The following NKAIN2 variants were observed in gnomAD, a reference collection of about 807,000 sequenced individuals.
The protein encoded by NKAIN2 is sodium/potassium transporting ATPase interacting 2.
Under a neutral mutation model 32.6 loss-of-function variants are expected in NKAIN2, and 14 were observed. The ratio of observed to expected loss-of-function variants is 0.43; its 90% CI spans 0.28 to 0.67. The LOEUF (loss-of-function observed/expected upper bound fraction) is 0.67, where lower values mean the gene tolerates loss of function less well. NKAIN2 is among the 30% of genes least tolerant of loss of function. The pLI, the probability that NKAIN2 is intolerant of heterozygous loss-of-function variation, is 0.17. For missense variants in NKAIN2, 198 were observed against 258.3 expected (o/e 0.77, Z 1.60); for synonymous variants, 80 against 87.2 (o/e 0.92, Z 0.46).
intron 3 of NKAIN2, among the ~76,000 whole-genome samples, chr6:124,569,621 C>T (rs1158699263): frequency 1.3e-5 from 2 of 152,158 alleles, no homozygotes; most frequent in Non-Finnish European, 2.9e-5. Context: ...TTTGCTTCTT[C>T]CTCATTCTCT....
chr6:124,693,708 C>T (rs1305175818), intron 4 of NKAIN2, among the ~76,000 whole-genome samples: 1 of 152,132 alleles, frequency 6.6e-6, no homozygotes, highest in Non-Finnish European at 1.5e-5. Context: ...TTCAATCAAA[C>T]ACAGTTTGGC....
At position 123,804,058 on chromosome 6, in the gene NKAIN2, A is replaced by G. The variant is rs1234130002; in HGVS notation, c.-143A>G. On this transcript the variant is annotated 5_prime_UTR_variant, in exon 1 of 7. Transcript: ENST00000368417. ...CAGGTCCTAATGCCTGTCACTTCCC[A>G]GGACGCTGGCAGCAGCAGCAGCCCG... 4 of 806,422 alleles carry G rather than the reference A, an allele frequency of 5.0e-6. No individual in the cohort carries two copies. In the Admixed American group the frequency reaches 7.1e-5, roughly 14 times the overall value. The allele number at this position is 806,422 out of a possible 1,614,324, so 50.0% of individuals were successfully genotyped here.
At chr6:124,718,896 A>C (rs1775886625) in intron 4 of NKAIN2, among the ~76,000 whole-genome samples, 1 of 152,040 alleles carries the variant, frequency 6.6e-6, no homozygotes, top group African/African-American at 2.4e-5. Context: ...AAATCCAGGT[A>C]AAATTTGAGT....
chr6:124,688,931 A>G (rs1326467315), intron 4 of NKAIN2, among the ~76,000 whole-genome samples: 1 of 152,128 alleles, frequency 6.6e-6, no homozygotes, highest in Non-Finnish European at 1.5e-5. Context: ...TAAAGCTGCT[A>G]TAAAGGTCTG....
chr6:124,641,529 G>GGTTTTTTTTTT (rs1562300001), intron 3 of NKAIN2, among the ~76,000 whole-genome samples: 1 of 23,832 alleles, frequency 4.2e-5, no homozygotes, highest in Non-Finnish European at 1.1e-4. Flanking sequence ...TAAAACACTA[G>GGTTTTTTTTTT]CTTTTTTTTT....
At chr6:124,380,725 G>A (rs1262404934) in intron 3 of NKAIN2, among the ~76,000 whole-genome samples, 1 of 152,138 alleles carries the variant, frequency 6.6e-6, no homozygotes, top group Admixed American at 6.5e-5. Context: ...GTGACTTTTT[G>A]ATATTGTATA....
chr6:124,502,330 TAA>T (rs1387999201), intron 3 of NKAIN2, among the ~76,000 whole-genome samples: 1 of 152,176 alleles, frequency 6.6e-6, no homozygotes, highest in African/African-American at 2.4e-5. Context: ...CATTTTCTCT[TAA>T]GTTACTTTAA....
chr6:123,862,925 G>A (rs967552228), intron 1 of NKAIN2, among the ~76,000 whole-genome samples: 1 of 152,152 alleles, frequency 6.6e-6, no homozygotes, highest in African/African-American at 2.4e-5. Context: ...TTACCACTGA[G>A]TCCCTGGGAG....
At chr6:124,788,394 T>C (rs1779597901) in intron 4 of NKAIN2, among the ~76,000 whole-genome samples, 1 of 152,064 alleles carries the variant, frequency 6.6e-6, no homozygotes, top group Admixed American at 6.6e-5. Context: ...AAGAGTTGCA[T>C]GTTATAGGAG....
At chr6:123,829,192 TCTA>T (rs1774272638) in intron 1 of NKAIN2, 1 of 152,230 alleles carries the variant, frequency 6.6e-6, no homozygotes. Flanking sequence ...TTATTCTAAC[TCTA>T]CTTTCTCCTT....
intron 3 of NKAIN2, among the ~76,000 whole-genome samples, chr6:124,638,215 G>A (rs902758175): frequency 6.6e-6 from 1 of 152,168 alleles, no homozygotes; most frequent in Non-Finnish European, 1.5e-5. Flanking sequence ...ACTGTATGCA[G>A]AAGAATGAAA....
intron 5 of NKAIN2, among the ~76,000 whole-genome samples, chr6:124,809,513 C>A (rs149780685): frequency 0.13 from 9,191 of 69,922 alleles, no homozygotes; most frequent in East Asian, 0.18. Flanking sequence ...AACGTTGGAC[C>A]TAAAACCATA....
chr6:124,576,924 T>C (rs966427636), intron 3 of NKAIN2, among the ~76,000 whole-genome samples: 1 of 152,194 alleles, frequency 6.6e-6, no homozygotes, highest in African/African-American at 2.4e-5. Context: ...CAAAGACCTC[T>C]TAAATAAGAC....
intron 1 of NKAIN2, among the ~76,000 whole-genome samples, chr6:123,839,439 A>G (rs980933918): frequency 1.3e-5 from 2 of 152,166 alleles, no homozygotes; most frequent in African/African-American, 4.8e-5. Flanking sequence ...GTGTGTCTAT[A>G]AAGAATATGT....
chr6:123,965,009 A>G (rs1340651445), intron 1 of NKAIN2, among the ~76,000 whole-genome samples: 2 of 151,988 alleles, frequency 1.3e-5, no homozygotes, highest in African/African-American at 4.8e-5. Context: ...ATTTTATGAG[A>G]TCCCTGTTTT....
intron 2 of NKAIN2, among the ~76,000 whole-genome samples, chr6:124,346,713 T>C (rs898160592): frequency 6.6e-6 from 1 of 151,952 alleles, no homozygotes; most frequent in Non-Finnish European, 1.5e-5. Context: ...CCTTTTATTT[T>C]GAGCCTATGT....
At chr6:124,774,202 T>G (rs1315234901) in intron 4 of NKAIN2, among the ~76,000 whole-genome samples, 2 of 152,152 alleles carry the variant, frequency 1.3e-5, no homozygotes, top group Non-Finnish European at 2.9e-5. Flanking sequence ...GCTATTGCAG[T>G]GATCTAGGTG....
At chr6:124,441,383 T>A (rs1189578609) in intron 3 of NKAIN2, among the ~76,000 whole-genome samples, 1 of 152,112 alleles carries the variant, frequency 6.6e-6, no homozygotes, top group Non-Finnish European at 1.5e-5. Flanking sequence ...GACTTTAATA[T>A]ACTTTCTCTT....
At chr6:124,587,422 G>A (rs553588309) in intron 3 of NKAIN2, among the ~76,000 whole-genome samples, 8 of 151,376 alleles carry the variant, frequency 5.3e-5, no homozygotes, top group African/African-American at 1.2e-4. Flanking sequence ...GTTTCACCAT[G>A]TTAGTCAGGC....
Sources: gnomAD v4.1 joint callset for allele counts (sites outside exome capture counted in the v4.1 genomes callset) on GRCh38, gnomAD v4.1.1 for gene constraint, MANE v1.5 for transcripts, NCBI Gene and HGNC (gene_info 2026-07-23, HGNC 2026-07-21) for gene names.